The following ABCA13 variants were observed in gnomAD, a reference collection of about 807,000 sequenced individuals.
ABCA13 encodes ATP-binding cassette sub-family A member 13.
ABCA13 carries 476 observed loss-of-function variants against 478.7 expected under a neutral mutation model. The ratio of observed to expected loss-of-function variants is 0.99; its 90% CI spans 0.92 to 1.07. The LOEUF (loss-of-function observed/expected upper bound fraction) is 1.07. Among genes scored for constraint, ABCA13 ranks in the 50% least tolerant of loss-of-function variants. The pLI is 0.00. For missense variants in ABCA13, 6,060 were observed against 5,910.6 expected (o/e 1.03, Z -0.83); for synonymous variants, 2,252 against 2,158.9 (o/e 1.04, Z -1.20).
At chr7:48,373,087 T>C (rs1481795109) in intron 33 of ABCA13, among the ~76,000 whole-genome samples, 1 of 152,192 alleles carries the variant, frequency 6.6e-6, no homozygotes, top group Non-Finnish European at 1.5e-5. Context: ...CCATCACTAT[T>C]AAAATGATCT....
chr7:48,193,691 T>C (rs926154633), intron 2 of ABCA13, among the ~76,000 whole-genome samples: 28 of 148,384 alleles, frequency 1.9e-4, no homozygotes, highest in African/African-American at 6.7e-4. Context: ...ATGATAGTGA[T>C]GATGGTGATA....
chr7:48,338,850 A>C (rs1806670459), intron 29 of ABCA13, among the ~76,000 whole-genome samples: 1 of 152,234 alleles, frequency 6.6e-6, no homozygotes, highest in Admixed American at 6.5e-5. Flanking sequence ...ACCTATCAGT[A>C]AACATTTATT....
At chr7:48,391,810 A>C in intron 37 of ABCA13, 111 bp from the exon 38 acceptor site, 1 of 994,410 alleles carries the variant, frequency 1.0e-6, no homozygotes, top group Non-Finnish European at 1.5e-6. Flanking sequence ...AGGTCAGCAG[A>C]AGGTGAGTGC....
rs771852700 is a variant in ABCA13, at chr7:48,272,977, A to T, written c.3311A>T (p.Asn1104Ile). Residue 1104 changes from asparagine to isoleucine, a missense_variant, in exon 17 of 62, where the codon AAT becomes ATT. Transcript: ENST00000435803. ...LLDNKCLISD[N>I]KHISSVNYST... Reference sequence around the variant, plus strand: ...GATAATAAATGCTTGATTTCGGACAATAAACACATTTCTTCCGTAAATTAT... The same window carrying T: ...GATAATAAATGCTTGATTTCGGACATTAAACACATTTCTTCCGTAAATTAT... 6.2e-7 allele frequency: 1 copy of T among 1,613,596 alleles called. No homozygotes were observed. The highest frequency in any genetic ancestry group is 1.7e-5 in the Admixed American group (1 of 59,964).
chr7:48,554,483 T>C (rs1160220154), intron 55 of ABCA13, among the ~76,000 whole-genome samples: 2 of 151,760 alleles, frequency 1.3e-5, no homozygotes, highest in Non-Finnish European at 3.0e-5. Context: ...ATTTTTTTAT[T>C]CCTTCTTTGA....
At chr7:48,542,102 T>C (rs1833981770) in intron 55 of ABCA13, among the ~76,000 whole-genome samples, 2 of 151,726 alleles carry the variant, frequency 1.3e-5, no homozygotes, top group South Asian at 2.1e-4. Flanking sequence ...CAAGAAATTC[T>C]GTATATGAAA....
At chr7:48,617,413 G>T (rs973303336) in intron 59 of ABCA13, among the ~76,000 whole-genome samples, 1 of 152,200 alleles carries the variant, frequency 6.6e-6, no homozygotes, top group Non-Finnish European at 1.5e-5. Flanking sequence ...GGGTTTTGGA[G>T]GGAAGATTAT....
chr7:48,451,479 A>G (rs1462128485), intron 42 of ABCA13, among the ~76,000 whole-genome samples: 2 of 152,162 alleles, frequency 1.3e-5, no homozygotes, highest in Non-Finnish European at 2.9e-5. Context: ...TTAACCCTCA[A>G]TAATATTAGA....
intron 43 of ABCA13, among the ~76,000 whole-genome samples, chr7:48,462,447 C>G (rs1015029316): frequency 1.8e-4 from 27 of 151,836 alleles, no homozygotes; most frequent in Middle Eastern, 6.8e-3. Flanking sequence ...AAGGATTCCC[C>G]CCCCCCTACT....
chr7:48,547,618 A>G (rs1163303699), intron 55 of ABCA13, among the ~76,000 whole-genome samples: 1 of 151,884 alleles, frequency 6.6e-6, no homozygotes, highest in Non-Finnish European at 1.5e-5. Context: ...TCCTCTGCAC[A>G]CATGGTCCGT....
intron 5 of ABCA13, among the ~76,000 whole-genome samples, chr7:48,225,780 C>G (rs1162445731): frequency 6.6e-6 from 1 of 151,846 alleles, no homozygotes. Flanking sequence ...AGGAATGAAC[C>G]GATAGAGGGG....
In ABCA13 at chr7:48,295,828, G is replaced by A; in HGVS notation, c.9084G>A (p.Gln3028=). The part of the protein sequence containing the change: ...ENATGQDCTS[Q]PRLETVQQHL... Reference sequence around the variant, plus strand: ...CCACTGGCCAGGACTGCACAAGCCAGCCGAGGCTGGAGACGGTGCAGCAGC... The same window carrying A: ...CCACTGGCCAGGACTGCACAAGCCAACCGAGGCTGGAGACGGTGCAGCAGC... Residue 3028 remains glutamine, a synonymous_variant, in exon 21 of 62, where the codon CAG becomes CAA. Transcript: ENST00000435803. The A allele has an allele frequency of 6.2e-7, 1 of 1,613,458 alleles. No homozygotes were observed. The highest frequency in any genetic ancestry group is 8.5e-7 in the Non-Finnish European group (1 of 1,179,592).
chr7:48,600,562 A>AT (rs1014270507), intron 58 of ABCA13, among the ~76,000 whole-genome samples: 2 of 151,654 alleles, frequency 1.3e-5, no homozygotes, highest in East Asian at 1.9e-4. Flanking sequence ...TGTTTTATCT[A>AT]TTTTTTTTAG....
chr7:48,290,534 G>A (rs1459343565), intron 20 of ABCA13, among the ~76,000 whole-genome samples: 3 of 152,066 alleles, frequency 2.0e-5, no homozygotes, highest in East Asian at 1.9e-4. Context: ...TTTTTCTTCC[G>A]GTAGTCCTTG....
intron 5 of ABCA13, among the ~76,000 whole-genome samples, chr7:48,225,276 C>T (rs1261660091): frequency 7.1e-6 from 1 of 141,508 alleles, no homozygotes; most frequent in Non-Finnish European, 1.5e-5. Context: ...CTCCCTCTCT[C>T]CCTGTTCAGC....
intron 55 of ABCA13, among the ~76,000 whole-genome samples, chr7:48,551,247 T>G (rs1785297195): frequency 6.7e-6 from 1 of 149,468 alleles, no homozygotes; most frequent in Non-Finnish European, 1.5e-5. Context: ...ACCCTTGGTA[T>G]ATGGCTAGGG....
At chr7:48,573,726 T>C (rs932622783) in intron 55 of ABCA13, among the ~76,000 whole-genome samples, 3 of 152,036 alleles carry the variant, frequency 2.0e-5, no homozygotes, top group Non-Finnish European at 4.4e-5. Context: ...AGAGTGAGAC[T>C]CCATCTCAAA....
chr7:48,511,436 C>G (rs1044912230), intron 51 of ABCA13, among the ~76,000 whole-genome samples: 1 of 152,160 alleles, frequency 6.6e-6, no homozygotes, highest in African/African-American at 2.4e-5. Context: ...CAGACAGGCC[C>G]TTGAGCTGTT....
intron 6 of ABCA13, 36 bp from the exon 7 acceptor site, chr7:48,229,789 C>G: frequency 1.2e-6 from 2 of 1,611,896 alleles, no homozygotes; most frequent in Non-Finnish European, 1.7e-6. Context: ...TGCTAACTAC[C>G]CACTCATATT....
Sources: allele counts gnomAD v4.1 joint callset (sites outside exome capture counted in the v4.1 genomes callset), GRCh38; gene constraint gnomAD v4.1.1; transcripts MANE v1.5; gene names NCBI Gene and HGNC (gene_info 2026-07-23, HGNC 2026-07-21).